Variants in MNAT1 observed in about 807,000 individuals in gnomAD.
MNAT1 encodes MNAT1 component of CDK activating kinase, also known as CDK-activating kinase assembly factor MAT1.
In MNAT1, 43 loss-of-function variants were observed where a neutral mutation model predicts 42.0. That is an observed-to-expected ratio of 1.02 (90% CI 0.80 to 1.32). MNAT1 has a LOEUF of 1.32. Ranked by LOEUF, MNAT1 falls within the 40% of genes most tolerant of loss-of-function variation. MNAT1 has a pLI of 0.00. For missense variants in MNAT1, 306 were observed against 350.4 expected, an observed-to-expected ratio of 0.87 and a Z score of 1.01; for synonymous variants, 118 against 120.0, an observed-to-expected ratio of 0.98 and a Z score of 0.11.
At chr14:60,750,820 A>G (rs1443802386) in intron 1 of MNAT1, among the ~76,000 whole-genome samples, 1 of 152,146 alleles carries the variant, frequency 6.6e-6, no homozygotes, top group Non-Finnish European at 1.5e-5. Context: ...GATACCAAAT[A>G]TACAAATGTT....
chr14:60,750,366 A>G (rs1407852595), intron 1 of MNAT1, among the ~76,000 whole-genome samples: 1 of 151,600 alleles, frequency 6.6e-6, no homozygotes, highest in Admixed American at 6.6e-5. Context: ...AGCTGGGACT[A>G]CAGGCATCTG....
chr14:60,791,472 C>A (rs548560627), intron 1 of MNAT1, among the ~76,000 whole-genome samples: 1 of 152,232 alleles, frequency 6.6e-6, no homozygotes, highest in South Asian at 2.1e-4. Context: ...TACATAGATT[C>A]TGAGTTCCCT....
chr14:60,964,690 A>G (rs1462402625), intron 7 of MNAT1, among the ~76,000 whole-genome samples: 2 of 152,216 alleles, frequency 1.3e-5, no homozygotes, highest in Non-Finnish European at 2.9e-5. Context: ...AAATTTGGCT[A>G]AGACTTCTTC....
intron 6 of MNAT1, among the ~76,000 whole-genome samples, chr14:60,869,844 G>A (rs1291989083): frequency 1.3e-5 from 2 of 151,846 alleles, no homozygotes; most frequent in Non-Finnish European, 2.9e-5. Context: ...TATTCTAAAT[G>A]GTTTGTTGCA....
rs111969059 is a variant in MNAT1, at chr14:60,799,449, A to G, written c.316+1289A>G. 1.6e-5 allele frequency: 15 copies of G among 960,152 alleles called. No homozygotes were observed. The African/African-American group carries it at 2.3e-4, about 15-fold the overall frequency. The allele number at this position is 960,152 out of a possible 1,614,324, so 59.5% of individuals were successfully genotyped here. ...AGTATAGGACAAGCTGTTGGATAGC[A>G]ATTGGGAAGAAAAGTAGCTTACATA... On this transcript the variant is annotated intron_variant, in intron 3 of 7. Coordinates refer to ENST00000261245, the MANE Select transcript of MNAT1 (RefSeq NM_002431.4).
At chr14:60,789,423 T>A (rs1330424126) in intron 1 of MNAT1, among the ~76,000 whole-genome samples, 3 of 152,156 alleles carry the variant, frequency 2.0e-5, no homozygotes, top group Non-Finnish European at 4.4e-5. Flanking sequence ...GAAGTAAGCA[T>A]ATGCTGTTGG....
chr14:60,891,558 C>G lies in MNAT1; in HGVS notation c.809+11723C>G, dbSNP rs188881118. Among the ~76,000 whole-genome samples, 379 of 152,196 alleles carry G rather than the reference C, an allele frequency of 2.5e-3. 6 individuals carry two copies. Among genetic ancestry groups the G allele is most frequent in the Non-Finnish European group, 7.1e-4 (48 of 68,004 alleles). ...CTCCGCCTCCCATATTCAAGTGCTTCTCCTGCTTCAGCCTCCTGAGTAGCT... is the reference window on the plus strand; with the variant it reads ...CTCCGCCTCCCATATTCAAGTGCTTGTCCTGCTTCAGCCTCCTGAGTAGCT... On this transcript the variant is annotated intron_variant, in intron 7 of 7. Transcript: ENST00000261245.
At chr14:60,793,405 G>T (rs1350037174) in intron 1 of MNAT1, among the ~76,000 whole-genome samples, 1 of 151,398 alleles carries the variant, frequency 6.6e-6, no homozygotes, top group East Asian at 1.9e-4. Flanking sequence ...GCTTTGTCAC[G>T]CAGGCTGGAG....
chr14:60,886,371 C>G (rs556993331), intron 7 of MNAT1, among the ~76,000 whole-genome samples: 1 of 152,030 alleles, frequency 6.6e-6, no homozygotes, highest in South Asian at 2.1e-4. Flanking sequence ...TCTATTCTTA[C>G]GGACATGGGA....
intron 1 of MNAT1, among the ~76,000 whole-genome samples, chr14:60,758,558 A>G (rs1038818297): frequency 4.0e-5 from 6 of 151,802 alleles, no homozygotes; most frequent in African/African-American, 7.3e-5. Flanking sequence ...CTTAATTAAC[A>G]TGGATACTGC....
intron 7 of MNAT1, among the ~76,000 whole-genome samples, chr14:60,934,307 G>A (rs553777334): frequency 6.6e-6 from 1 of 152,220 alleles, no homozygotes; most frequent in East Asian, 1.9e-4. Context: ...TCCTTTCCTT[G>A]GTGCCTTCCT....
intron 7 of MNAT1, among the ~76,000 whole-genome samples, chr14:60,932,259 C>G (rs888548224): frequency 6.6e-6 from 1 of 151,858 alleles, no homozygotes; most frequent in African/African-American, 2.4e-5. Context: ...AGTATAAAAT[C>G]ACTTTTTTAG....
intron 7 of MNAT1, among the ~76,000 whole-genome samples, chr14:60,912,071 T>A (rs985471436): frequency 3.3e-5 from 5 of 151,738 alleles, no homozygotes; most frequent in African/African-American, 1.2e-4. Flanking sequence ...TTTACCATTA[T>A]GTAATGGCCT....
chr14:60,781,700 C>G (rs2031465185), intron 1 of MNAT1, among the ~76,000 whole-genome samples: 1 of 152,026 alleles, frequency 6.6e-6, no homozygotes, highest in Non-Finnish European at 1.5e-5. Context: ...TAATTATATT[C>G]TCCTATAATT....
chr14:60,876,984 G>A (rs1209289658), intron 6 of MNAT1, among the ~76,000 whole-genome samples: 1 of 151,990 alleles, frequency 6.6e-6, no homozygotes, highest in Non-Finnish European at 1.5e-5. Context: ...TGGTAATTCT[G>A]TTTTTAATTT....
intron 7 of MNAT1, among the ~76,000 whole-genome samples, chr14:60,912,125 C>G (rs974666925): frequency 1.9e-4 from 29 of 152,094 alleles, no homozygotes; most frequent in African/African-American, 4.1e-4. Context: ...TCTGTTTTAT[C>G]AGAGACTAGG....
intron 7 of MNAT1, among the ~76,000 whole-genome samples, chr14:60,923,706 CG>C (rs2035708490): frequency 6.6e-6 from 1 of 152,018 alleles, no homozygotes; most frequent in African/African-American, 2.4e-5. Flanking sequence ...TGGCATGGCA[CG>C]GTGGCTCACG....
At position 60,959,361 on chromosome 14, in the gene MNAT1, T is replaced by G. The variant is rs75570952; in HGVS notation, c.810-8868T>G. ...CACTAAGGATAATAATGATTTCTGC[T>G]TATATGGCTGATACTGATAGCCCCC... On this transcript the variant is annotated intron_variant, in intron 7 of 7. Coordinates refer to ENST00000261245, the MANE Select transcript of MNAT1 (RefSeq NM_002431.4). 5.1e-3 allele frequency among the ~76,000 whole-genome samples: 777 copies of G among 152,290 alleles called. 13 individuals carry two copies. The highest frequency in any genetic ancestry group is 0.018 in the African/African-American group (729 of 41,566).
intron 5 of MNAT1, among the ~76,000 whole-genome samples, chr14:60,812,579 T>A (rs1221431149): frequency 6.6e-6 from 1 of 152,216 alleles, no homozygotes; most frequent in Non-Finnish European, 1.5e-5. Flanking sequence ...TTTGGTGTGC[T>A]TTCCTCTGAT....
Sources: allele counts gnomAD v4.1 joint callset (sites outside exome capture counted in the v4.1 genomes callset), GRCh38; gene constraint gnomAD v4.1.1; transcripts MANE v1.5; gene names NCBI Gene and HGNC (gene_info 2026-07-23, HGNC 2026-07-21).